DCUN1D5: variants seen among roughly 807,000 people sequenced by gnomAD.
DCUN1D5 encodes the protein DCN1-like protein 5.
Under a neutral mutation model 38.3 loss-of-function variants are expected in DCUN1D5, and 10 were observed. The ratio of observed to expected loss-of-function variants is 0.26; its 90% CI spans 0.16 to 0.44. DCUN1D5 has a LOEUF of 0.44. Among genes scored for constraint, DCUN1D5 ranks in the 20% least tolerant of loss-of-function variants. DCUN1D5 has a pLI of 1.00. For missense variants in DCUN1D5, 148 were observed against 275.3 expected, an observed-to-expected ratio of 0.54 and a Z score of 3.27; for synonymous variants, 93 against 90.9, an observed-to-expected ratio of 1.02 and a Z score of -0.13.
chr11:103,067,194 A>C (rs1395780512), intron 4 of DCUN1D5, among the ~76,000 whole-genome samples: 1 of 152,226 alleles, frequency 6.6e-6, no homozygotes, highest in Admixed American at 6.5e-5. Context: ...AAGACAAGAC[A>C]TTAAATATAA....
rs1208743783 is a variant in DCUN1D5, at chr11:103,091,170, T to C, written c.86+617A>G. On this transcript the variant is annotated intron_variant, in intron 1 of 7. Coordinates refer to ENST00000260247, the MANE Select transcript of DCUN1D5 (RefSeq NM_032299.4). This position sits in a 1 kb window ranked among gnomAD's most constrained non-coding sequence, Gnocchi z 4.3. ...AAAAAGCATGCAGGGCCTTTCCAAC[T>C]CTGCACACAGGGACTTGGCATAGGT... 6.6e-6 allele frequency among the ~76,000 whole-genome samples: 1 copy of C among 151,988 alleles called. No individual in the cohort carries two copies. The highest frequency in any genetic ancestry group is 1.5e-5 in the Non-Finnish European group (1 of 67,984).
chr11:103,076,027 G>A (rs1862399540), intron 4 of DCUN1D5, among the ~76,000 whole-genome samples: 1 of 152,142 alleles, frequency 6.6e-6, no homozygotes, highest in African/African-American at 2.4e-5. Context: ...ATATGGAGAT[G>A]AAGTCTTCAT....
Position 103,063,011 on chromosome 11 carries a change from G to GA in DCUN1D5, c.659-598dup, listed in dbSNP as rs553489101. Among the ~76,000 whole-genome samples the GA allele has an allele frequency of 2.0e-5, 3 of 151,744 alleles. No individual in the cohort carries two copies. Among genetic ancestry groups the GA allele is most frequent in the Non-Finnish European group, 3.0e-5 (2 of 67,776 alleles). On this transcript the variant is annotated intron_variant, in intron 7 of 7. Coordinates refer to ENST00000260247, the MANE Select transcript of DCUN1D5 (RefSeq NM_032299.4). The surrounding 1 kb of genome is among the most constrained non-coding windows in gnomAD (Gnocchi z 4.6). ...CAGTGTTTATTTTGTTTAAATGTAGGAAAAAAATCACCGCCACAAAGAAAT... is the reference window on the plus strand; with the variant it reads ...CAGTGTTTATTTTGTTTAAATGTAGGAAAAAAAATCACCGCCACAAAGAAAT...
In DCUN1D5 at chr11:103,058,415, G is replaced by T. The variant is rs1055237218; in HGVS notation, c.*3944C>A. Among the ~76,000 whole-genome samples the T allele has an allele frequency of 6.6e-6, 1 of 152,116 alleles. No individual in the cohort carries two copies. The highest frequency in any genetic ancestry group is 2.4e-5 in the African/African-American group (1 of 41,432). On this transcript the variant is annotated 3_prime_UTR_variant, in exon 8 of 8. Coordinates refer to ENST00000260247, the MANE Select transcript of DCUN1D5 (RefSeq NM_032299.4). The stretch of plus-strand genomic sequence containing the variant: ...AACATAAATAAATTGTGCTTTAAAA[G>T]ATCTAAAGATTTGTTCCAGTGAAGT...
chr11:103,088,606 T>C (rs1413446054), intron 2 of DCUN1D5, among the ~76,000 whole-genome samples: 3 of 152,238 alleles, frequency 2.0e-5, no homozygotes, highest in Non-Finnish European at 4.4e-5. Context: ...CTTTAAAAGC[T>C]GGGTTATATA....
intron 4 of DCUN1D5, among the ~76,000 whole-genome samples, chr11:103,068,916 G>C (rs1862203432): frequency 6.6e-6 from 1 of 152,022 alleles, no homozygotes; most frequent in Non-Finnish European, 1.5e-5. Context: ...ATGACACCTT[G>C]ACAAGAACTG....
chr11:103,068,864 C>A (rs1862201307), intron 4 of DCUN1D5, among the ~76,000 whole-genome samples: 1 of 151,528 alleles, frequency 6.6e-6, no homozygotes, highest in East Asian at 1.9e-4. Context: ...TCTTACAGTT[C>A]AAAAATACAT....
At chr11:103,089,190 G>T in intron 2 of DCUN1D5, 37 bp downstream of exon 2, 1 of 1,589,416 alleles carries the variant, frequency 6.3e-7, no homozygotes, top group Non-Finnish European at 8.6e-7. Context: ...ACTTTTTAAA[G>T]CATATGACTA....
Position 103,064,366 on chromosome 11 carries a change from A to G in DCUN1D5, c.567T>C (p.Tyr189=), listed in dbSNP as rs1862084166. Residue 189 remains tyrosine (Y), a synonymous_variant, in exon 7 of 8, where the codon TAT becomes TAC. Coordinates refer to ENST00000260247, the MANE Select transcript of DCUN1D5 (RefSeq NM_032299.4). The surrounding 1 kb of genome is among the most constrained non-coding windows in gnomAD (Gnocchi z 4.5). ...ACCATTGATCTTTGTTCATAACACG[A>G]TACTTTGATTGCTGCAAAAATGATT... is the stretch of plus-strand genomic sequence containing the variant. The part of the protein sequence containing the change: ...VFYQYLEQSK[Y]RVMNKDQWYN... 2 of 1,594,948 alleles carry G rather than the reference A, an allele frequency of 1.3e-6. No homozygotes were observed. Among genetic ancestry groups the G allele is most frequent in the Admixed American group, 1.7e-5 (1 of 57,990 alleles).
Position 103,061,623 on chromosome 11 carries a change from A to G in DCUN1D5, c.*736T>C, listed in dbSNP as rs1325087296. 1.3e-5 allele frequency among the ~76,000 whole-genome samples: 2 copies of G among 151,922 alleles called. No individual in the cohort carries two copies. The highest frequency in any genetic ancestry group is 4.8e-5 in the African/African-American group (2 of 41,406). ...AAAAAAAAAAAAAAAAAGTGCTTTA[A>G]ACAAAATTCCCTATATAATGACAGT... On this transcript the variant is annotated 3_prime_UTR_variant, in exon 8 of 8. Transcript: ENST00000260247.
Position 103,062,308 on chromosome 11 carries a change from T to C in DCUN1D5, c.*51A>G. 1 of 1,563,676 alleles carries C rather than the reference T, an allele frequency of 6.4e-7. No homozygotes were observed. The highest frequency in any genetic ancestry group is 8.8e-7 in the Non-Finnish European group (1 of 1,134,790). On this transcript the variant is annotated 3_prime_UTR_variant, in exon 8 of 8. Transcript: ENST00000260247. The surrounding 1 kb of genome is among the most constrained non-coding windows in gnomAD (Gnocchi z 4.6). ...TTTTTTTCCCCCTCATCACATTAGC[T>C]TGTATACACGTGGGAATTGAAAGGT...
At chr11:103,089,412 C>A in intron 1 of DCUN1D5, 94 bp from the exon 2 acceptor site, 7 of 1,118,692 alleles carry the variant, frequency 6.3e-6, no homozygotes, top group South Asian at 1.8e-5. Flanking sequence ...TCACATTAAA[C>A]AAAGGTTTTT....
chr11:103,079,555 A>G (rs903701155), intron 4 of DCUN1D5, among the ~76,000 whole-genome samples: 1 of 152,062 alleles, frequency 6.6e-6, no homozygotes, highest in African/African-American at 2.4e-5. Context: ...ACATAGTGAG[A>G]CAAGCTGGAG....
rs541663817 is a variant in DCUN1D5, at chr11:103,078,370, A to C, written c.341+4378T>G. Among the ~76,000 whole-genome samples the C allele has an allele frequency of 6.6e-6, 1 of 152,372 alleles. No homozygotes were observed. Among genetic ancestry groups the C allele is most frequent in the African/African-American group, 2.4e-5 (1 of 41,594 alleles). ...AGTATCCTTGAAACCTCGTATCTATAGACGAAGGAAGAGAAATTCCATAAC... is the reference window on the plus strand; with the variant it reads ...AGTATCCTTGAAACCTCGTATCTATCGACGAAGGAAGAGAAATTCCATAAC... On this transcript the variant is annotated intron_variant, in intron 4 of 7. Coordinates refer to ENST00000260247, the MANE Select transcript of DCUN1D5 (RefSeq NM_032299.4). This position sits in a 1 kb window ranked among gnomAD's most constrained non-coding sequence, Gnocchi z 4.6.
chr11:103,050,890 T>C lies in DCUN1D5; in HGVS notation c.*11469A>G, dbSNP rs1179643495. On this transcript the variant is annotated 3_prime_UTR_variant, in exon 8 of 8. Transcript: ENST00000260247. The stretch of plus-strand genomic sequence containing the variant: ...GGTGTTATCAGCACTCTAATAAAAG[T>C]ATATACAAGGTTAGTAGTGTCTCCA... 6.6e-6 allele frequency: 1 copy of C among 152,152 alleles called. No individual in the cohort carries two copies. The highest frequency in any genetic ancestry group is 1.5e-5 in the Non-Finnish European group (1 of 68,030). The allele number at this position is 152,152 out of a possible 1,614,324, so 9.4% of individuals were successfully genotyped here.
intron 1 of DCUN1D5, among the ~76,000 whole-genome samples, chr11:103,089,765 T>C (rs1862807705): frequency 6.6e-6 from 1 of 151,934 alleles, no homozygotes; most frequent in South Asian, 2.1e-4. Flanking sequence ...ATATTAAGAG[T>C]TGTTTTATCA....
chr11:103,053,888 T>C lies in DCUN1D5; in HGVS notation c.*8471A>G, dbSNP rs1861807571. The C allele has an allele frequency of 6.6e-6, 1 of 152,144 alleles. No individual in the cohort carries two copies. The highest frequency in any genetic ancestry group is 2.1e-4 in the South Asian group (1 of 4,836). 9.4% of individuals were successfully genotyped at this position (152,144 alleles called of 1,614,324 possible). A position where few individuals can be genotyped will look rare whatever the true frequency, so the allele number is the denominator to read the frequency against. ...TTTCCAGATAGCAAAGAGTAACTAA[T>C]ATTTACTGCCTGTATTTCATTTCAT... On this transcript the variant is annotated 3_prime_UTR_variant, in exon 8 of 8. Coordinates refer to ENST00000260247, the MANE Select transcript of DCUN1D5 (RefSeq NM_032299.4). This position sits in a 1 kb window ranked among gnomAD's most constrained non-coding sequence, Gnocchi z 4.8.
intron 4 of DCUN1D5, among the ~76,000 whole-genome samples, chr11:103,068,508 TA>T (rs918898958): frequency 6.6e-6 from 1 of 152,036 alleles, no homozygotes; most frequent in Non-Finnish European, 1.5e-5. Flanking sequence ...TAAGCAGCCA[TA>T]AAAAAAGAAC....
At chr11:103,080,615 A>G (rs1166712975) in intron 4 of DCUN1D5, among the ~76,000 whole-genome samples, 2 of 152,224 alleles carry the variant, frequency 1.3e-5, no homozygotes, top group Non-Finnish European at 2.9e-5. Flanking sequence ...AAGGAATAAT[A>G]AATCAGTGAA....
Sources: gnomAD v4.1 joint callset for allele counts (sites outside exome capture counted in the v4.1 genomes callset) on GRCh38, gnomAD v4.1.1 for gene constraint, Gnocchi (gnomAD v3.1) non-coding constraint, MANE v1.5 for transcripts, NCBI Gene and HGNC (gene_info 2026-07-23, HGNC 2026-07-21) for gene names.